NHS: variants seen among roughly 807,000 people sequenced by gnomAD.
NHS encodes NHS actin remodeling regulator, also known as actin remodeling regulator NHS.
Under a neutral mutation model 72.5 loss-of-function variants are expected in NHS, and 5 were observed. That is an observed-to-expected ratio of 0.07 (90% CI 0.04 to 0.14). The LOEUF is 0.14. Ranked by LOEUF, NHS falls within the 10% of genes least tolerant of loss-of-function variation. The pLI is 1.00. For synonymous variants in NHS, 464 were observed against 547.7 expected, an observed-to-expected ratio of 0.85 and a Z score of 2.13; for missense variants, 1,072 against 1,355.7, an observed-to-expected ratio of 0.79 and a Z score of 3.29.
At chrX:17,548,802 T>C (rs1011465670) in intron 1 of NHS, among the ~76,000 whole-genome samples, 3 of 111,536 alleles carry the variant, frequency 2.7e-5, no homozygotes, top group Non-Finnish European at 5.7e-5. Flanking sequence ...AAAGCTAGGC[T>C]GCAGAGAGAG....
chrX:17,712,391 C>CATATATATATAT (rs1375636575), intron 3 of NHS, among the ~76,000 whole-genome samples: 1 of 89,388 alleles, frequency 1.1e-5, no homozygotes, highest in African/African-American at 4.9e-5. Flanking sequence ...CACACACACA[C>CATATATATATAT]ACATATATAT....
chrX:17,723,726 G>GGTGTGTGTGTGTGTGTGT lies in NHS; in HGVS notation c.1109-545_1109-528dup, dbSNP rs3222310. On this transcript the variant is annotated intron_variant, in intron 5 of 8. Transcript: ENST00000676302. Reference sequence around the variant, plus strand: ...TGTTGAGTTTCCTCACAGCAAAAGAGGTGTGTGTGTGTGTGTGTGTGTGTG... The same window carrying GGTGTGTGTGTGTGTGTGT: ...TGTTGAGTTTCCTCACAGCAAAAGAGGTGTGTGTGTGTGTGTGTGTGTGTGTGTGTGTGTGTGTGTGTG... Among the ~76,000 whole-genome samples, 261 of 71,051 alleles carry GGTGTGTGTGTGTGTGTGT rather than the reference G, an allele frequency of 3.7e-3. 2 individuals carry two copies. Among genetic ancestry groups the GGTGTGTGTGTGTGTGTGT allele is most frequent in the East Asian group, 0.012 (23 of 1,968 alleles). 61.7% of individuals were successfully genotyped at this position (71,051 alleles called of 115,157 possible).
At chrX:17,686,250 T>C (rs1321928595) in intron 1 of NHS, among the ~76,000 whole-genome samples, 5 of 112,560 alleles carry the variant, frequency 4.4e-5, no homozygotes, top group Admixed American at 1.9e-4. Flanking sequence ...GCACTTCTGA[T>C]GAGCCTTTTC....
chrX:17,380,927 G>A (rs993741908), intron 1 of NHS, among the ~76,000 whole-genome samples: 2 of 111,190 alleles, frequency 1.8e-5, no homozygotes, highest in African/African-American at 6.6e-5. Context: ...AGGTGGGCTG[G>A]TGAACTGCTG....
intron 1 of NHS, among the ~76,000 whole-genome samples, chrX:17,597,947 A>G (rs1304924515): frequency 9.1e-6 from 1 of 110,352 alleles, no homozygotes; most frequent in Non-Finnish European, 1.9e-5. Context: ...AGGGTAGGAC[A>G]CTCCTGCTTG....
At chrX:17,469,826 A>G (rs984108821) in intron 1 of NHS, among the ~76,000 whole-genome samples, 1 of 111,226 alleles carries the variant, frequency 9.0e-6, no homozygotes, top group Non-Finnish European at 1.9e-5. Context: ...TTTTTAGTAG[A>G]GAGACAGGGT....
rs761909636 is a variant in NHS at position 17,728,659 on chromosome X, G to A, written c.4233G>A (p.Pro1411=). The A allele has an allele frequency of 1.7e-5, 20 of 1,206,731 alleles. No individual in the cohort carries two copies. The highest frequency in any genetic ancestry group is 3.0e-5 in the East Asian group (1 of 33,709). ...VDEASLKESS[P]SDDSIISPLS... ...TGTTCTTATTTTAAGAATCATCACC[G>A]AGTGATGACTCCATCATTTCACCAC... The change falls in exon 8 of 9, where the codon CCG becomes CCA. Residue 1411 remains proline (P), a synonymous_variant. Transcript: ENST00000676302.
At chrX:17,619,922 C>G (rs2065764728) in intron 1 of NHS, among the ~76,000 whole-genome samples, 1 of 111,605 alleles carries the variant, frequency 9.0e-6, no homozygotes, top group South Asian at 3.8e-4. Context: ...GATCTTGACT[C>G]TCTTTCTTTG....
At chrX:17,453,503 T>C (rs942485973) in intron 1 of NHS, among the ~76,000 whole-genome samples, 1 of 111,804 alleles carries the variant, frequency 8.9e-6, no homozygotes, top group Non-Finnish European at 1.9e-5. Flanking sequence ...ACCTCAAAAT[T>C]ATGATGGTAT....
At chrX:17,416,360 C>T (rs1420963286) in intron 1 of NHS, among the ~76,000 whole-genome samples, 1 of 111,971 alleles carries the variant, frequency 8.9e-6, no homozygotes, top group Non-Finnish European at 1.9e-5. Context: ...CCCTGGACTC[C>T]AGCACATGTG....
At chrX:17,548,861 C>A (rs2065309650) in intron 1 of NHS, among the ~76,000 whole-genome samples, 1 of 111,281 alleles carries the variant, frequency 9.0e-6, no homozygotes, top group African/African-American at 3.3e-5. Flanking sequence ...GCTGCCCCCC[C>A]TTGCTTTTAA....
chrX:17,710,124 G>A (rs963834566), intron 3 of NHS, among the ~76,000 whole-genome samples: 3 of 112,117 alleles, frequency 2.7e-5, no homozygotes, highest in Non-Finnish European at 5.6e-5. Flanking sequence ...GGGAGGAGCT[G>A]GCAAGAAAGA....
At chrX:17,620,537 A>G (rs920550037) in intron 1 of NHS, among the ~76,000 whole-genome samples, 19 of 109,847 alleles carry the variant, frequency 1.7e-4, no homozygotes, top group Admixed American at 1.7e-3. Context: ...GCAACAGTTG[A>G]GTGGTAGACA....
chrX:17,708,400 A>G (rs773643725), intron 3 of NHS, among the ~76,000 whole-genome samples: 4 of 111,950 alleles, frequency 3.6e-5, no homozygotes, highest in Admixed American at 1.9e-4. Context: ...TCTCGAAACA[A>G]TATCTCCACT....
intron 1 of NHS, among the ~76,000 whole-genome samples, chrX:17,439,404 A>G (rs779206962): frequency 4.5e-4 from 50 of 111,599 alleles, no homozygotes; most frequent in Non-Finnish European, 7.7e-4. Flanking sequence ...ACCTTCTTCA[A>G]CCACACCCTG....
chrX:17,682,634 C>G (rs1363504563), intron 1 of NHS, among the ~76,000 whole-genome samples: 3 of 111,652 alleles, frequency 2.7e-5, no homozygotes, highest in Non-Finnish European at 3.8e-5. Flanking sequence ...ATGTAGCAGT[C>G]AAACTTTGAT....
At chrX:17,490,604 C>T (rs759539149) in intron 1 of NHS, among the ~76,000 whole-genome samples, 22 of 112,110 alleles carry the variant, frequency 2.0e-4, no homozygotes, top group Non-Finnish European at 3.6e-4. Flanking sequence ...CTTGACTATA[C>T]GGGCTCTTTT....
At chrX:17,562,019 C>T (rs965520920) in intron 1 of NHS, among the ~76,000 whole-genome samples, 1 of 110,691 alleles carries the variant, frequency 9.0e-6, no homozygotes, top group Admixed American at 9.6e-5. Flanking sequence ...TCACCCTTTT[C>T]CTTAGTACGT....
chrX:17,675,557 T>C (rs1462933982), intron 1 of NHS, among the ~76,000 whole-genome samples: 1 of 111,857 alleles, frequency 8.9e-6, no homozygotes, highest in Non-Finnish European at 1.9e-5. Context: ...TCAGGGCTTC[T>C]TCAAGAAAGG....
Sources: allele counts gnomAD v4.1 joint callset (sites outside exome capture counted in the v4.1 genomes callset), GRCh38; gene constraint gnomAD v4.1.1; transcripts MANE v1.5; gene names NCBI Gene and HGNC (gene_info 2026-07-23, HGNC 2026-07-21).